The following FNDC3B variants were observed in gnomAD, a reference collection of about 807,000 sequenced individuals.
The protein encoded by FNDC3B is fibronectin type III domain containing 3B.
Under a neutral mutation model 151.5 loss-of-function variants are expected in FNDC3B, and 12 were observed. The ratio of observed to expected loss-of-function variants is 0.08; its 90% CI spans 0.05 to 0.13. The LOEUF is 0.13. Among genes scored for constraint, FNDC3B ranks in the 10% least tolerant of loss-of-function variants. FNDC3B has a pLI of 1.00. For synonymous variants in FNDC3B, 528 were observed against 549.0 expected (o/e 0.96, Z 0.54); for missense variants, 1,214 against 1,505.3 (o/e 0.81, Z 3.20).
intron 24 of FNDC3B, among the ~76,000 whole-genome samples, chr3:172,380,286 C>A (rs2108371326): frequency 6.6e-6 from 1 of 151,846 alleles, no homozygotes; most frequent in South Asian, 2.1e-4. Context: ...TTTTTTAAAT[C>A]TAGAATATTT....
At chr3:172,148,121 C>G (rs564340171) in intron 3 of FNDC3B, among the ~76,000 whole-genome samples, 5 of 151,934 alleles carry the variant, frequency 3.3e-5, no homozygotes, top group African/African-American at 7.2e-5. Context: ...TTATTAGGAA[C>G]TTGTTTTTCT....
chr3:172,303,221 T>C (rs553367359), intron 9 of FNDC3B, among the ~76,000 whole-genome samples: 25 of 152,314 alleles, frequency 1.6e-4, no homozygotes, highest in African/African-American at 5.5e-4. Flanking sequence ...TTTATATCTT[T>C]ATCAGCGATA....
At chr3:172,340,976 A>G (rs1733284284) in intron 16 of FNDC3B, 137 bp from the exon 17 acceptor site, 1 of 660,432 alleles carries the variant, frequency 1.5e-6, no homozygotes, top group South Asian at 1.8e-5. Flanking sequence ...AAGAAAAAGG[A>G]AGAGCTTTCT....
chr3:172,391,570 T>C (rs1251613298), intron 25 of FNDC3B, among the ~76,000 whole-genome samples: 1 of 152,214 alleles, frequency 6.6e-6, no homozygotes, highest in African/African-American at 2.4e-5. Context: ...ACTACATTAT[T>C]TGACCCTTTG....
At chr3:172,062,328 T>C (rs1717246087) in intron 1 of FNDC3B, among the ~76,000 whole-genome samples, 1 of 151,884 alleles carries the variant, frequency 6.6e-6, no homozygotes, top group Non-Finnish European at 1.5e-5. Flanking sequence ...TTTTTTTTTT[T>C]TGAGATGGAG....
chr3:172,145,811 C>CTTTTTTT (rs34361134), intron 3 of FNDC3B, among the ~76,000 whole-genome samples: 2 of 114,176 alleles, frequency 1.8e-5, no homozygotes, highest in Non-Finnish European at 1.8e-5. Flanking sequence ...AGGTTTCTTT[C>CTTTTTTT]TTTTTTTTTT....
At chr3:172,350,292 G>A (rs1460877731) in intron 21 of FNDC3B, among the ~76,000 whole-genome samples, 1 of 152,162 alleles carries the variant, frequency 6.6e-6, no homozygotes, top group African/African-American at 2.4e-5. Context: ...CAAGCTCAGA[G>A]AAATTAACTA....
chr3:172,041,502 T>C (rs2108446337), intron 1 of FNDC3B, among the ~76,000 whole-genome samples: 1 of 151,472 alleles, frequency 6.6e-6, no homozygotes, highest in African/African-American at 2.4e-5. Context: ...TTTTTTTTTT[T>C]TTTAAATAAA....
chr3:172,359,288 G>A (rs571293617), intron 22 of FNDC3B, among the ~76,000 whole-genome samples: 10 of 151,878 alleles, frequency 6.6e-5, no homozygotes, highest in Non-Finnish European at 1.2e-4. Context: ...GTATAGAATA[G>A]AACAACAATC....
chr3:172,255,852 T>C (rs1728310104), intron 6 of FNDC3B, among the ~76,000 whole-genome samples: 1 of 152,236 alleles, frequency 6.6e-6, no homozygotes, highest in Non-Finnish European at 1.5e-5. Context: ...AGAACTCTGG[T>C]GCACAGCCTC....
chr3:172,142,798 G>A (rs766685382), intron 3 of FNDC3B, among the ~76,000 whole-genome samples: 9 of 152,186 alleles, frequency 5.9e-5, no homozygotes, highest in Non-Finnish European at 1.3e-4. Context: ...ACCAGAGACC[G>A]GGTGGCTTAT....
intron 16 of FNDC3B, chr3:172,337,852 A>G (rs911102754): frequency 1.2e-5 from 2 of 172,500 alleles, no homozygotes; most frequent in South Asian, 2.6e-4. Context: ...TCACTATGTT[A>G]TCTAGGCTGG....
chr3:172,147,467 C>T (rs932970964), intron 3 of FNDC3B, among the ~76,000 whole-genome samples: 6 of 152,068 alleles, frequency 3.9e-5, no homozygotes, highest in Non-Finnish European at 1.5e-5. Context: ...TAATCTAGCT[C>T]GAATGGTGTA....
At chr3:172,207,555 A>G (rs1322344818) in intron 3 of FNDC3B, among the ~76,000 whole-genome samples, 1 of 152,188 alleles carries the variant, frequency 6.6e-6, no homozygotes, top group Non-Finnish European at 1.5e-5. Flanking sequence ...ATTGAGGTTT[A>G]CCTGGGCTCA....
intron 3 of FNDC3B, among the ~76,000 whole-genome samples, chr3:172,210,023 A>C (rs1725650579): frequency 6.6e-6 from 1 of 152,172 alleles, no homozygotes; most frequent in African/African-American, 2.4e-5. Context: ...GGACAGGGAG[A>C]GGCCAGCCAG....
At chr3:172,314,369 C>G (rs954746275) in intron 11 of FNDC3B, among the ~76,000 whole-genome samples, 1 of 152,198 alleles carries the variant, frequency 6.6e-6, no homozygotes, top group African/African-American at 2.4e-5. Context: ...GAGAGTGAGA[C>G]AGTGCTGCTC....
At chr3:172,309,250 G>A (rs1731344200) in intron 10 of FNDC3B, among the ~76,000 whole-genome samples, 1 of 152,192 alleles carries the variant, frequency 6.6e-6, no homozygotes, top group Non-Finnish European at 1.5e-5. Flanking sequence ...TTCTCTGGCT[G>A]CCAGTCTGTC....
At chr3:172,073,159 T>G (rs1348602811) in intron 1 of FNDC3B, among the ~76,000 whole-genome samples, 1 of 152,182 alleles carries the variant, frequency 6.6e-6, no homozygotes, top group African/African-American at 2.4e-5. Context: ...TGTTAGCATT[T>G]ATGTGAAGGA....
intron 3 of FNDC3B, among the ~76,000 whole-genome samples, chr3:172,199,135 C>T (rs542996876): frequency 6.7e-6 from 1 of 149,972 alleles, no homozygotes; most frequent in South Asian, 2.1e-4. Flanking sequence ...GGCCCATTTT[C>T]ATTTTTAATA....
Sources: allele counts gnomAD v4.1 joint callset (sites outside exome capture counted in the v4.1 genomes callset), GRCh38; gene constraint gnomAD v4.1.1; transcripts MANE v1.5; gene names NCBI Gene and HGNC (gene_info 2026-07-23, HGNC 2026-07-21).